The following PXMP4 variants were observed in gnomAD, a reference collection of about 807,000 sequenced individuals.
PXMP4 encodes 24 kDa peroxisomal intrinsic membrane protein.
A neutral mutation model predicts 21.6 loss-of-function variants in PXMP4; 16 were observed. The ratio of observed to expected loss-of-function variants is 0.74; its 90% CI spans 0.50 to 1.13. The LOEUF (loss-of-function observed/expected upper bound fraction) is 1.13. Among genes scored for constraint, PXMP4 ranks in the 50% most tolerant of loss-of-function variants. The probability of loss-of-function intolerance (pLI) is 0.00; values close to 1 mark genes in which losing one functional copy is unlikely to be tolerated. For synonymous variants in PXMP4, 127 were observed against 123.8 expected, an observed-to-expected ratio of 1.03 and a Z score of -0.17; for missense variants, 240 against 277.7, an observed-to-expected ratio of 0.86 and a Z score of 0.96.
chr20:33,711,517 G>C (rs2018325385), intron 2 of PXMP4, among the ~76,000 whole-genome samples: 1 of 152,056 alleles, frequency 6.6e-6, no homozygotes, highest in African/African-American at 2.4e-5. Flanking sequence ...TGCTGAGTTT[G>C]GTCTTTATCC....
chr20:33,707,886 C>G lies in PXMP4; in HGVS notation c.459G>C (p.Trp153Cys). Residue 153 changes from tryptophan (W) to cysteine (C), a missense_variant, in exon 4 of 4, where the codon TGG becomes TGC. Physicochemically the swap from Trp to Cys is radical, Grantham distance 215 (BLOSUM62 -2). Coordinates refer to ENST00000409299, the MANE Select transcript of PXMP4 (RefSeq NM_007238.5). ...VEKGYIPEPRWDPFPLLTAVV... is the reference protein window; with the variant it reads ...VEKGYIPEPRCDPFPLLTAVV... ...CCGCAGTGAGCAGCGGGAACGGGTC[C>G]CACCTGGGTTCAGGGATGTAGCCCT... The G allele has an allele frequency of 6.2e-7, 1 of 1,614,124 alleles. No individual in the cohort carries two copies. The highest frequency in any genetic ancestry group is 2.2e-5 in the East Asian group (1 of 44,882).
At chr20:33,709,245 C>T (rs566375868) in intron 3 of PXMP4, among the ~76,000 whole-genome samples, 97 of 152,250 alleles carry the variant, frequency 6.4e-4, no homozygotes, top group Admixed American at 1.5e-3. Context: ...TGCAATGAGC[C>T]TAGATCGTGC....
At chr20:33,708,256 G>A (rs1473843267) in intron 3 of PXMP4, among the ~76,000 whole-genome samples, 2 of 143,456 alleles carry the variant, frequency 1.4e-5, no homozygotes, top group Non-Finnish European at 3.0e-5. Flanking sequence ...ACTGGATCTC[G>A]GCTCACTGCA....
chr20:33,718,372 G>A (rs953542249), intron 1 of PXMP4, among the ~76,000 whole-genome samples: 2 of 151,774 alleles, frequency 1.3e-5, no homozygotes, highest in Non-Finnish European at 2.9e-5. Context: ...TTAGCCGGGC[G>A]TGGTGGTGGG....
intron 2 of PXMP4, among the ~76,000 whole-genome samples, chr20:33,712,523 C>G (rs1228950708): frequency 6.6e-6 from 1 of 152,096 alleles, no homozygotes; most frequent in Non-Finnish European, 1.5e-5. Flanking sequence ...GATCTGGGCT[C>G]ACTGCAACCT....
intron 2 of PXMP4, among the ~76,000 whole-genome samples, chr20:33,711,893 TGAA>T (rs895333135): frequency 6.6e-6 from 1 of 151,100 alleles, no homozygotes; most frequent in African/African-American, 2.4e-5. Context: ...CTTGGGAGGC[TGAA>T]GGAGGAGGTT....
chr20:33,710,280 C>T (rs952933005), intron 3 of PXMP4, among the ~76,000 whole-genome samples: 4 of 149,660 alleles, frequency 2.7e-5, no homozygotes, highest in Non-Finnish European at 5.9e-5. Flanking sequence ...TTCCCCCACT[C>T]CTACCTCCAT....
chr20:33,720,059 C>G, intron 1 of PXMP4, 36 bp downstream of exon 1: 21 of 1,594,604 alleles, frequency 1.3e-5, no homozygotes, highest in Non-Finnish European at 1.8e-5. Flanking sequence ...GGCAGGACAT[C>G]CCTCAGCCCC....
In PXMP4 at chr20:33,719,357, A is replaced by C. The variant is rs910592694; in HGVS notation, c.113+738T>G. ...AAGCCAAGGCATCCACATCCTTCCCACCATCCCACGTTGCCACTAGGATGC... is the reference window on the plus strand; with the variant it reads ...AAGCCAAGGCATCCACATCCTTCCCCCCATCCCACGTTGCCACTAGGATGC... On this transcript the variant is annotated intron_variant, in intron 1 of 3. Transcript: ENST00000409299. Among the ~76,000 whole-genome samples the C allele has an allele frequency of 1.3e-3, 198 of 152,296 alleles. 1 individual carries two copies. Among genetic ancestry groups the C allele is most frequent in the East Asian group, 3.9e-4 (2 of 5,178 alleles).
In PXMP4 at chr20:33,720,168, C is replaced by T; in HGVS notation, c.40G>A (p.Val14Ile). The change falls in exon 1 of 4, where the codon GTC becomes ATC. Residue 14 changes from valine to isoleucine, a missense_variant. Coordinates refer to ENST00000409299, the MANE Select transcript of PXMP4 (RefSeq NM_007238.5). ...CGGCGCTTGCGCAGCAGTGCGTTGA[C>T]GACTACGAGCAGAGCCCTTAGCTGC... ...PPQLRALLVV[V>I]NALLRKRRYH... 1 of 1,613,406 alleles carries T rather than the reference C, an allele frequency of 6.2e-7. No individual in the cohort carries two copies. Among genetic ancestry groups the T allele is most frequent in the Non-Finnish European group, 8.5e-7 (1 of 1,179,884 alleles).
In PXMP4 at chr20:33,706,416, AC is replaced by A. The variant is rs1231480162; in HGVS notation, c.*1289del. On this transcript the variant is annotated 3_prime_UTR_variant, in exon 4 of 4. Transcript: ENST00000409299. ...AGACTAGCCCTAGTGACAGAGCGAG[AC>A]CCTGTCGCTACTTAAAAAAAAAAAA... 3 of 151,144 alleles carry A rather than the reference AC, an allele frequency of 2.0e-5. No individual in the cohort carries two copies. Among genetic ancestry groups the A allele is most frequent in the Non-Finnish European group, 3.0e-5 (2 of 67,782 alleles). 9.4% of individuals were successfully genotyped at this position (151,144 alleles called of 1,614,324 possible).
chr20:33,720,272 C>A lies in PXMP4; in HGVS notation c.-65G>T. 1 of 1,441,102 alleles carries A rather than the reference C, an allele frequency of 6.9e-7. No individual in the cohort carries two copies. Among genetic ancestry groups the A allele is most frequent in the Non-Finnish European group, 9.5e-7 (1 of 1,050,288 alleles). The allele number at this position is 1,441,102 out of a possible 1,614,324, so 89.3% of individuals were successfully genotyped here. ...GCGCACTGACAGCCGGAGGTTCCAG[C>A]TGCGCGCCCACAGCCCCTCGGTAGC... is the stretch of plus-strand genomic sequence containing the variant. On this transcript the variant is annotated 5_prime_UTR_variant, in exon 1 of 4. Coordinates refer to ENST00000409299, the MANE Select transcript of PXMP4 (RefSeq NM_007238.5).
At chr20:33,716,565 C>T (rs1439632175) in intron 1 of PXMP4, among the ~76,000 whole-genome samples, 3 of 152,160 alleles carry the variant, frequency 2.0e-5, no homozygotes, top group African/African-American at 2.4e-5. Flanking sequence ...TTTAATGACT[C>T]GGTTATTCAG....
At chr20:33,715,369 G>C (rs2018372343) in intron 1 of PXMP4, among the ~76,000 whole-genome samples, 1 of 151,374 alleles carries the variant, frequency 6.6e-6, no homozygotes, top group Admixed American at 6.6e-5. Flanking sequence ...TGGAACTCCT[G>C]ATCTCAGGTG....
chr20:33,719,753 T>C (rs2018426221), intron 1 of PXMP4, among the ~76,000 whole-genome samples: 1 of 152,162 alleles, frequency 6.6e-6, no homozygotes, highest in Non-Finnish European at 1.5e-5. Flanking sequence ...TTCCCCATTG[T>C]GCAGATGGGG....
At chr20:33,719,689 T>C (rs1434620380) in intron 1 of PXMP4, among the ~76,000 whole-genome samples, 1 of 152,134 alleles carries the variant, frequency 6.6e-6, no homozygotes, top group East Asian at 1.9e-4. Context: ...GCAAGCTTCA[T>C]GGGGACAGAA....
chr20:33,714,515 TCAACAA>T (rs3838023), intron 2 of PXMP4, among the ~76,000 whole-genome samples, 153 bp downstream of exon 2: 8 of 150,776 alleles, frequency 5.3e-5, no homozygotes, highest in African/African-American at 1.2e-4. Flanking sequence ...AGACTCCATC[TCAACAA>T]CAACAACAAC....
intron 2 of PXMP4, 105 bp from the exon 3 acceptor site, chr20:33,710,858 G>T: frequency 8.8e-7 from 1 of 1,134,602 alleles, no homozygotes; most frequent in Non-Finnish European, 1.2e-6. Flanking sequence ...TCGGAGTAAT[G>T]CTCATTCAGT....
intron 2 of PXMP4, among the ~76,000 whole-genome samples, chr20:33,711,537 A>G (rs1022282239): frequency 2.0e-5 from 3 of 152,136 alleles, no homozygotes; most frequent in African/African-American, 7.2e-5. Flanking sequence ...CTGAGAAGTG[A>G]ACATTTAGAT....
Sources: allele counts gnomAD v4.1 joint callset (sites outside exome capture counted in the v4.1 genomes callset), GRCh38; gene constraint gnomAD v4.1.1; transcripts MANE v1.5; gene names NCBI Gene and HGNC (gene_info 2026-07-23, HGNC 2026-07-21).